Variants in ACAD11 observed in about 807,000 individuals in gnomAD.
The protein encoded by ACAD11 is acyl-Coenzyme A dehydrogenase family, member 11.
In ACAD11, 83 loss-of-function variants were observed where a neutral mutation model predicts 102.2. The ratio of observed to expected loss-of-function variants is 0.81; its 90% CI spans 0.68 to 0.97. ACAD11 has a LOEUF of 0.97. Ranked by LOEUF, ACAD11 falls within the 50% of genes least tolerant of loss-of-function variation. ACAD11 has a pLI of 0.00. For synonymous variants in ACAD11, 324 were observed against 319.8 expected, an observed-to-expected ratio of 1.01 and a Z score of -0.14; for missense variants, 901 against 951.7, an observed-to-expected ratio of 0.95 and a Z score of 0.70.
intron 7 of ACAD11, 75 bp from the exon 8 acceptor site, chr3:132,628,521 T>C: frequency 9.4e-7 from 1 of 1,063,972 alleles, no homozygotes; most frequent in Non-Finnish European, 1.4e-6. Flanking sequence ...TTCCAGTTTC[T>C]CAGTTATATG....
At chr3:132,566,023 C>T (rs58772247) in intron 17 of ACAD11, among the ~76,000 whole-genome samples, 229 of 151,878 alleles carry the variant, frequency 1.5e-3, no homozygotes, top group African/African-American at 5.2e-3. Flanking sequence ...GAATTTCTGA[C>T]AAAATTTTAA....
intron 7 of ACAD11, 116 bp downstream of exon 7, chr3:132,630,321 T>C (rs1939984930): frequency 2.6e-6 from 3 of 1,171,428 alleles, no homozygotes; most frequent in South Asian, 2.8e-5. Context: ...ATACCTGTCA[T>C]TATGATAAGC....
intron 11 of ACAD11, among the ~76,000 whole-genome samples, chr3:132,618,078 C>G (rs573914745): frequency 2.0e-5 from 3 of 152,210 alleles, no homozygotes; most frequent in South Asian, 4.1e-4. Context: ...CACTTTTCAT[C>G]TTCAAACTTA....
At chr3:132,652,708 G>A (rs1940974152) in intron 1 of ACAD11, among the ~76,000 whole-genome samples, 1 of 152,096 alleles carries the variant, frequency 6.6e-6, no homozygotes. Flanking sequence ...AATGTTTGGG[G>A]AACTAATAAG....
intron 1 of ACAD11, among the ~76,000 whole-genome samples, chr3:132,652,391 G>T (rs930071952): frequency 1.3e-5 from 2 of 152,126 alleles, no homozygotes; most frequent in African/African-American, 4.8e-5. Flanking sequence ...CCAGTCTCGG[G>T]TATGTCTTTA....
intron 13 of ACAD11, among the ~76,000 whole-genome samples, chr3:132,582,281 G>A (rs1192914767): frequency 6.7e-6 from 1 of 148,790 alleles, no homozygotes; most frequent in Admixed American, 6.7e-5. Context: ...TTAAGAAAGA[G>A]AAAAAATATT....
At chr3:132,653,308 G>A (rs1433642970) in intron 1 of ACAD11, among the ~76,000 whole-genome samples, 1 of 151,956 alleles carries the variant, frequency 6.6e-6, no homozygotes, top group Non-Finnish European at 1.5e-5. Flanking sequence ...CTATTTCAAC[G>A]AGCAAATAGG....
intron 13 of ACAD11, among the ~76,000 whole-genome samples, chr3:132,598,530 G>A (rs1171423101): frequency 6.6e-6 from 1 of 152,232 alleles, no homozygotes; most frequent in African/African-American, 2.4e-5. Context: ...GGTAGTATGG[G>A]AAACGCATCC....
At position 132,585,039 on chromosome 3, in the gene ACAD11, C is replaced by A. The variant is rs190952840; in HGVS notation, c.1622-5481G>T. 1.1e-3 allele frequency among the ~76,000 whole-genome samples: 164 copies of A among 152,280 alleles called. 1 individual carries two copies. Among genetic ancestry groups the A allele is most frequent in the African/African-American group, 3.8e-3 (156 of 41,552 alleles). On this transcript the variant is annotated intron_variant, in intron 13 of 19. Transcript: ENST00000264990. ...CAAAACAGAGCCTGCATTGCCAAGT[C>A]AATCCTAAGCCAAAAGAACAAAGCT...
chr3:132,583,927 AT>A (rs1255172355), intron 13 of ACAD11, among the ~76,000 whole-genome samples: 1 of 151,972 alleles, frequency 6.6e-6, no homozygotes, highest in Non-Finnish European at 1.5e-5. Context: ...GTTTGATATA[AT>A]TTCTGTTCTT....
intron 11 of ACAD11, among the ~76,000 whole-genome samples, chr3:132,612,314 G>T (rs138358007): frequency 6.6e-6 from 1 of 151,940 alleles, no homozygotes; most frequent in Non-Finnish European, 1.5e-5. Flanking sequence ...CATAGGTATG[G>T]GCAAGGACTT....
rs536206255 is a variant in ACAD11, at chr3:132,570,164, A to T, written c.2001+5608T>A. ...AAAAATATGAAAATCAAACCTCACC[A>T]TAAGTCCCACAGGCAAGCAAACATT... On this transcript the variant is annotated intron_variant, in intron 17 of 19. Coordinates refer to ENST00000264990, the MANE Select transcript of ACAD11 (RefSeq NM_032169.5). Among the ~76,000 whole-genome samples, 10 of 152,320 alleles carry T rather than the reference A, an allele frequency of 6.6e-5. No individual in the cohort carries two copies. The East Asian group carries it at 1.9e-3, about 29-fold the overall frequency.
intron 1 of ACAD11, among the ~76,000 whole-genome samples, chr3:132,656,719 C>T (rs1397823678): frequency 6.6e-6 from 1 of 151,998 alleles, no homozygotes; most frequent in Non-Finnish European, 1.5e-5. Context: ...GTCTCGAACT[C>T]GACCTCTGGT....
intron 9 of ACAD11, among the ~76,000 whole-genome samples, chr3:132,620,962 A>C (rs1939585916): frequency 2.0e-5 from 3 of 152,238 alleles, no homozygotes; most frequent in African/African-American, 7.2e-5. Context: ...CAAATCATAA[A>C]TTGGAAGAAA....
intron 11 of ACAD11, among the ~76,000 whole-genome samples, chr3:132,609,279 A>G (rs750137042): frequency 6.6e-6 from 1 of 152,186 alleles, no homozygotes; most frequent in East Asian, 1.9e-4. Flanking sequence ...AAGACAAGAA[A>G]TAACCAAGAT....
Position 132,603,345 on chromosome 3 carries a change from C to A in ACAD11, c.1523-18G>T, listed in dbSNP as rs1462967039. ...ATCAGGTTCTATAAATAAACAAAAG[C>A]TGAATTTACAGGCAGGCAGATATCA... is the stretch of plus-strand genomic sequence containing the variant. On this transcript the variant is annotated intron_variant, in intron 12 of 19. Coordinates refer to ENST00000264990, the MANE Select transcript of ACAD11 (RefSeq NM_032169.5). 1.9e-6 allele frequency: 3 copies of A among 1,606,912 alleles called. No homozygotes were observed. In the Admixed American group the frequency reaches 5.0e-5, roughly 27 times the overall value.
At chr3:132,588,647 T>TA (rs963635732) in intron 13 of ACAD11, among the ~76,000 whole-genome samples, 2 of 152,208 alleles carry the variant, frequency 1.3e-5, no homozygotes, top group African/African-American at 4.8e-5. Flanking sequence ...GCTTATAATT[T>TA]AGATTCCTTC....
intron 13 of ACAD11, among the ~76,000 whole-genome samples, chr3:132,585,023 G>GCCT (rs1340725773): frequency 1.3e-5 from 2 of 152,114 alleles, no homozygotes; most frequent in African/African-American, 4.8e-5. Context: ...CCAAAACAGA[G>GCCT]CCTGCATTGC....
chr3:132,570,854 G>A (rs890635058), intron 17 of ACAD11, among the ~76,000 whole-genome samples: 6 of 152,036 alleles, frequency 3.9e-5, no homozygotes, highest in East Asian at 1.9e-4. Context: ...TTCTTTTTAC[G>A]GCTGCATAAT....
Sources: gnomAD v4.1 joint callset for allele counts (sites outside exome capture counted in the v4.1 genomes callset) on GRCh38, gnomAD v4.1.1 for gene constraint, MANE v1.5 for transcripts, NCBI Gene and HGNC (gene_info 2026-07-23, HGNC 2026-07-21) for gene names.